Variants in DNTT observed in about 807,000 individuals in gnomAD.
DNTT encodes DNA nucleotidylexotransferase.
DNTT carries 47 observed loss-of-function variants against 60.9 expected under a neutral mutation model. The ratio of observed to expected loss-of-function variants is 0.77; its 90% confidence interval spans 0.61 to 0.98. The LOEUF is 0.98. DNTT is among the 50% of genes least tolerant of loss of function. The probability of loss-of-function intolerance (pLI) is 0.00; values close to 1 mark genes in which losing one functional copy is unlikely to be tolerated. For missense variants in DNTT, 665 were observed against 627.5 expected (o/e 1.06, Z -0.64); for synonymous variants, 224 against 221.2 (o/e 1.01, Z -0.11).
chr10:96,327,650 TCCCTGA>T (rs754840306), intron 7 of DNTT, 50 bp downstream of exon 7: 1 of 1,574,966 alleles, frequency 6.3e-7, no homozygotes, highest in South Asian at 1.2e-5. Flanking sequence ...CTTCAGTGGC[TCCCTGA>T]CTTGGACAGG....
intron 1 of DNTT, among the ~76,000 whole-genome samples, chr10:96,316,679 G>A (rs1844790592): frequency 6.6e-6 from 1 of 152,072 alleles, no homozygotes; most frequent in Non-Finnish European, 1.5e-5. Flanking sequence ...TGCCTTTTAG[G>A]TGTGTCATTC....
chr10:96,332,701 AG>A, intron 9 of DNTT, 105 bp downstream of exon 9: 1 of 1,521,046 alleles, frequency 6.6e-7, no homozygotes, highest in Non-Finnish European at 8.9e-7. Context: ...GCTGGGTGAC[AG>A]GGGAGGGGCC....
chr10:96,328,850 A>T lies in DNTT; in HGVS notation c.1113+20A>T, dbSNP rs1313270756. ...AAGAAGGTGAGAAGAAAGATGAAAA[A>T]TACATGCACACGCAAACATTATGTT... On this transcript the variant is annotated intron_variant, in intron 8 of 10. Coordinates refer to ENST00000371174, the MANE Select transcript of DNTT (RefSeq NM_004088.4). 6.2e-7 allele frequency: 1 copy of T among 1,605,196 alleles called. No homozygotes were observed. Among genetic ancestry groups the T allele is most frequent in the Admixed American group, 1.7e-5 (1 of 59,028 alleles).
At chr10:96,307,781 T>A (rs1395019033) in intron 1 of DNTT, among the ~76,000 whole-genome samples, 5 of 142,010 alleles carry the variant, frequency 3.5e-5, no homozygotes, top group African/African-American at 1.3e-4. Context: ...ATATATATTT[T>A]TTTTTTTTGA....
chr10:96,311,466 A>G (rs978715079), intron 1 of DNTT, among the ~76,000 whole-genome samples: 1 of 152,230 alleles, frequency 6.6e-6, no homozygotes, highest in Non-Finnish European at 1.5e-5. Context: ...CAACTAGGAA[A>G]AGAAAGACAG....
intron 10 of DNTT, 57 bp downstream of exon 10, chr10:96,336,031 C>T (rs952895859): frequency 3.2e-5 from 50 of 1,578,578 alleles, no homozygotes; most frequent in African/African-American, 1.6e-4. Context: ...GGCTGGCCCC[C>T]GAGCTTTTTT....
chr10:96,322,372 A>G (rs76381772), intron 4 of DNTT, among the ~76,000 whole-genome samples: 2 of 152,138 alleles, frequency 1.3e-5, no homozygotes, highest in Non-Finnish European at 2.9e-5. Flanking sequence ...TTGGACATAC[A>G]TTTTTCAGTG....
At chr10:96,330,673 G>A (rs1036157045) in intron 8 of DNTT, among the ~76,000 whole-genome samples, 2 of 152,132 alleles carry the variant, frequency 1.3e-5, no homozygotes, top group African/African-American at 4.8e-5. Context: ...AATGTCTTGT[G>A]CAGGTTTGTA....
chr10:96,322,672 G>C lies in DNTT; in HGVS notation c.694G>C (p.Gly232Arg). The change falls in exon 5 of 11, where the codon GGA becomes CGA. Residue 232 changes from glycine (G) to arginine (R), a missense_variant. Coordinates refer to ENST00000371174, the MANE Select transcript of DNTT (RefSeq NM_004088.4). The stretch of plus-strand genomic sequence containing the variant: ...TGTCCATTAGGAGATTATTGAAGAT[G>C]GAGAAAGTTCTGAAGTTAAAGCTGT... ...KGIIEEIIEDGESSEVKAVLN... is the reference protein window; with the variant it reads ...KGIIEEIIEDRESSEVKAVLN... The C allele has an allele frequency of 6.2e-7, 1 of 1,602,452 alleles. No individual in the cohort carries two copies. The highest frequency in any genetic ancestry group is 8.5e-7 in the Non-Finnish European group (1 of 1,171,474).
chr10:96,315,106 C>T (rs528406969), intron 1 of DNTT, among the ~76,000 whole-genome samples: 5 of 152,168 alleles, frequency 3.3e-5, no homozygotes, highest in East Asian at 1.9e-4. Context: ...GAGGATCAGC[C>T]GAACTCAGGC....
At chr10:96,307,345 T>G (rs1008309068) in intron 1 of DNTT, among the ~76,000 whole-genome samples, 1 of 1,078 alleles carries the variant, frequency 9.3e-4, no homozygotes, top group African/African-American at 1.8e-3. Flanking sequence ...GTTTTCCAGT[T>G]TTTTTTTTTT....
At chr10:96,316,723 C>A (rs746837996) in intron 1 of DNTT, among the ~76,000 whole-genome samples, 3 of 152,212 alleles carry the variant, frequency 2.0e-5, no homozygotes, top group Non-Finnish European at 2.9e-5. Context: ...TGCCACCAAC[C>A]AGCTGCCTCT....
intron 5 of DNTT, 29 bp from the exon 6 acceptor site, chr10:96,324,237 C>A: frequency 6.2e-7 from 1 of 1,605,314 alleles, no homozygotes; most frequent in Non-Finnish European, 8.5e-7. Flanking sequence ...ATCTTAGAGA[C>A]TGATGGCATG....
intron 1 of DNTT, among the ~76,000 whole-genome samples, chr10:96,310,879 G>A (rs900140779): frequency 5.9e-5 from 9 of 152,092 alleles, no homozygotes; most frequent in African/African-American, 1.7e-4. Context: ...TTTGTAATCA[G>A]CAACATAATA....
At chr10:96,310,839 A>AT (rs904044146) in intron 1 of DNTT, among the ~76,000 whole-genome samples, 7 of 152,032 alleles carry the variant, frequency 4.6e-5, no homozygotes, top group African/African-American at 9.7e-5. Flanking sequence ...TTTGTAATGA[A>AT]TTTTTTTTCT....
intron 1 of DNTT, among the ~76,000 whole-genome samples, chr10:96,312,312 A>T (rs903038080): frequency 2.6e-5 from 4 of 152,074 alleles, no homozygotes; most frequent in Non-Finnish European, 5.9e-5. Flanking sequence ...GGGAGGGGCA[A>T]TTTCCCCGTC....
chr10:96,312,365 T>C (rs1211918821), intron 1 of DNTT, among the ~76,000 whole-genome samples: 1 of 152,154 alleles, frequency 6.6e-6, no homozygotes, highest in Non-Finnish European at 1.5e-5. Context: ...ACCAGTAAGG[T>C]ACAGTGGAAA....
intron 3 of DNTT, among the ~76,000 whole-genome samples, chr10:96,320,009 T>C (rs1844846816): frequency 6.6e-6 from 1 of 152,212 alleles, no homozygotes; most frequent in South Asian, 2.1e-4. Flanking sequence ...CATGTAGTAG[T>C]AGATCAATAC....
At chr10:96,327,280 A>G (rs1844947085) in intron 6 of DNTT, among the ~76,000 whole-genome samples, 188 bp from the exon 7 acceptor site, 1 of 152,036 alleles carries the variant, frequency 6.6e-6, no homozygotes, top group African/African-American at 2.4e-5. Context: ...GCAAAGAACC[A>G]CTGTTACCCT....
Sources: allele counts gnomAD v4.1 joint callset (sites outside exome capture counted in the v4.1 genomes callset), GRCh38; gene constraint gnomAD v4.1.1; transcripts MANE v1.5; gene names NCBI Gene and HGNC (gene_info 2026-07-23, HGNC 2026-07-21).